GLOD5: variants seen among roughly 807,000 people sequenced by gnomAD.
GLOD5 encodes the protein glyoxalase domain-containing protein 5.
Under a neutral mutation model 9.9 loss-of-function variants are expected in GLOD5, and 7 were observed. The observed-to-expected ratio is 0.71, with a 90% CI of 0.40 to 1.33. GLOD5 has a LOEUF of 1.33. Ranked by LOEUF, GLOD5 falls within the 40% of genes most tolerant of loss-of-function variation. The probability of loss-of-function intolerance (pLI) is 0.01; values close to 1 mark genes in which losing one functional copy is unlikely to be tolerated. For missense variants in GLOD5, 146 were observed against 128.4 expected (o/e 1.14, Z -0.66); for synonymous variants, 49 against 47.3 (o/e 1.04, Z -0.14).
chrX:48,773,220 A>G (rs1602209960), intron 3 of GLOD5, 90 bp from the exon 4 acceptor site: 9 of 1,030,041 alleles, frequency 8.7e-6, no homozygotes, highest in Non-Finnish European at 1.2e-5. Flanking sequence ...ACGGAGCGAG[A>G]CTCTGTCACA....
At chrX:48,762,563 C>T (rs1051958450) in intron 1 of GLOD5, among the ~76,000 whole-genome samples, 1 of 107,409 alleles carries the variant, frequency 9.3e-6, no homozygotes, top group Non-Finnish European at 1.9e-5. Context: ...CTCAGCCTCC[C>T]GAGTAGGGGA....
intron 3 of GLOD5, among the ~76,000 whole-genome samples, chrX:48,772,881 TAGG>T (rs1557017572): frequency 9.1e-6 from 1 of 110,283 alleles, no homozygotes; most frequent in East Asian, 2.9e-4. Flanking sequence ...GGGAGGATGG[TAGG>T]AGATGAGGTC....
chrX:48,770,429 A>G (rs1672428207), intron 2 of GLOD5, among the ~76,000 whole-genome samples: 1 of 111,812 alleles, frequency 8.9e-6, no homozygotes, highest in South Asian at 3.7e-4. Context: ...AGAGGTAGTT[A>G]GTCAGGTCAT....
intron 1 of GLOD5, among the ~76,000 whole-genome samples, chrX:48,763,222 G>C (rs2062600620): frequency 8.9e-6 from 1 of 112,244 alleles, no homozygotes; most frequent in South Asian, 3.6e-4. Flanking sequence ...TGGTGAAATA[G>C]AAAGCAAAGA....
At chrX:48,772,229 C>T (rs1488245833) in intron 3 of GLOD5, among the ~76,000 whole-genome samples, 1 of 109,708 alleles carries the variant, frequency 9.1e-6, no homozygotes, top group Non-Finnish European at 1.9e-5. Flanking sequence ...ACAGCAAGAC[C>T]CTGTCTCTAA....
At chrX:48,766,767 A>G (rs1420098696) in intron 2 of GLOD5, among the ~76,000 whole-genome samples, 1 of 105,786 alleles carries the variant, frequency 9.5e-6, no homozygotes, top group Non-Finnish European at 1.9e-5. Flanking sequence ...TCAAACAAAA[A>G]TGTAAATGTA....
Position 48,761,861 on chromosome X carries a change from A to G in GLOD5, c.63+8A>G, listed in dbSNP as rs1480940657. 8.7e-7 allele frequency: 1 copy of G among 1,154,489 alleles called. No homozygotes were observed. The highest frequency in any genetic ancestry group is 1.2e-6 in the Non-Finnish European group (1 of 861,269). On this transcript the variant is annotated splice_region_variant and intron_variant, in intron 1 of 3. Coordinates refer to ENST00000303227, the MANE Select transcript of GLOD5 (RefSeq NM_001080489.3). ...AGGACTTTGGAGAAACAGGTGAACAAGATGGCCCCTGGGGATCTGGGGCAA... is the reference window on the plus strand; with the variant it reads ...AGGACTTTGGAGAAACAGGTGAACAGGATGGCCCCTGGGGATCTGGGGCAA...
At chrX:48,762,062 G>A (rs928418149) in intron 1 of GLOD5, among the ~76,000 whole-genome samples, 3 of 111,333 alleles carry the variant, frequency 2.7e-5, no homozygotes, top group African/African-American at 6.5e-5. Context: ...GGGCTGGGCC[G>A]GGGCTGAGGG....
intron 3 of GLOD5, among the ~76,000 whole-genome samples, 157 bp from the exon 4 acceptor site, chrX:48,773,153 G>A (rs2062626829): frequency 9.2e-6 from 1 of 108,397 alleles, no homozygotes; most frequent in African/African-American, 3.4e-5. Context: ...CTTGAGCCTA[G>A]GAGGCAGCGG....
intron 2 of GLOD5, among the ~76,000 whole-genome samples, chrX:48,770,281 T>TA (rs1557017214): frequency 4.2e-5 from 4 of 95,619 alleles, no homozygotes; most frequent in South Asian, 4.8e-4. Flanking sequence ...TCTCAAATAA[T>TA]AATAAATAAA....
rs781959323 is a variant in GLOD5, at chrX:48,764,783, G to A, written c.64-1052G>A. 9.4e-4 allele frequency among the ~76,000 whole-genome samples: 104 copies of A among 110,412 alleles called. 1 individual carries two copies. The highest frequency in any genetic ancestry group is 3.3e-3 in the African/African-American group (99 of 30,374). Reference sequence around the variant, plus strand: ...TGATCTCAAACTCCTAGGTTCAAGGGATCTGTCTGCCTCAGCCTTCCAAAG... The same window carrying A: ...TGATCTCAAACTCCTAGGTTCAAGGAATCTGTCTGCCTCAGCCTTCCAAAG... On this transcript the variant is annotated intron_variant, in intron 1 of 3. Transcript: ENST00000303227.
rs143117734 is a variant in GLOD5 at position 48,772,121 on chromosome X, T to C, written c.357+1039T>C. Among the ~76,000 whole-genome samples, 6 of 110,005 alleles carry C rather than the reference T, an allele frequency of 5.5e-5. No homozygotes were observed. The East Asian group carries it at 1.7e-3, about 32-fold the overall frequency. On this transcript the variant is annotated intron_variant, in intron 3 of 3. Transcript: ENST00000303227. ...GCATGGTAGTGCATGCCCGTAATCC[T>C]AGCTATTCAAGAGGGTGAAGTGGGA...
At chrX:48,773,229 C>CAAA (rs374553814) in intron 3 of GLOD5, 81 bp from the exon 4 acceptor site, 30 of 907,831 alleles carry the variant, frequency 3.3e-5, no homozygotes, top group Non-Finnish European at 4.0e-5. Context: ...GACTCTGTCA[C>CAAA]AAAAAAAAAA....
At position 48,771,036 on chromosome X, in the gene GLOD5, G is replaced by A. The variant is rs782584071; in HGVS notation, c.311G>A (p.Cys104Tyr). ...CCAGTTCCTGGCTCCCTGGACATAT[G>A]TCTGATCACAGAGGTGCCTTTGGAG... ...AHPVPGSLDICLITEVPLEEM... is the reference protein window; with the variant it reads ...AHPVPGSLDIYLITEVPLEEM... The change falls in exon 3 of 4, where the codon TGT (cysteine) becomes TAT (tyrosine). Residue 104 changes from cysteine to tyrosine, a missense_variant. Coordinates refer to ENST00000303227, the MANE Select transcript of GLOD5 (RefSeq NM_001080489.3). 8 of 1,198,758 alleles carry A rather than the reference G, an allele frequency of 6.7e-6. No individual in the cohort carries two copies. In the African/African-American group the frequency reaches 7.1e-5, roughly 11 times the overall value.
intron 2 of GLOD5, among the ~76,000 whole-genome samples, chrX:48,767,453 C>A (rs1041077432): frequency 2.4e-4 from 27 of 111,309 alleles, no homozygotes; most frequent in African/African-American, 8.2e-4. Flanking sequence ...ATGGTGAAAC[C>A]CCGTCTCTAC....
chrX:48,768,737 G>A (rs1183255655), intron 2 of GLOD5, among the ~76,000 whole-genome samples: 2 of 112,042 alleles, frequency 1.8e-5, no homozygotes, highest in African/African-American at 6.5e-5. Flanking sequence ...GTCCAAAAGT[G>A]AAATAAAGTT....
chrX:48,771,790 G>GA (rs1557017436), intron 3 of GLOD5, among the ~76,000 whole-genome samples: 1 of 112,088 alleles, frequency 8.9e-6, no homozygotes, highest in Admixed American at 9.5e-5. Flanking sequence ...TACAAAGGGA[G>GA]ATATGGCAGG....
At chrX:48,773,202 C>A in intron 3 of GLOD5, 108 bp from the exon 4 acceptor site, 10 of 932,275 alleles carry the variant, frequency 1.1e-5, no homozygotes, top group Non-Finnish European at 1.5e-5. Flanking sequence ...TGCACTCCAG[C>A]CTGGGTGACG....
chrX:48,761,851 C>G lies in GLOD5; in HGVS notation c.61C>G (p.Gln21Glu). 32 of 1,161,530 alleles carry G rather than the reference C, an allele frequency of 2.8e-5. No homozygotes were observed. Among genetic ancestry groups the G allele is most frequent in the Non-Finnish European group, 3.7e-5 (32 of 867,486 alleles). ...GATGTGGGGCAGGACTTTGGAGAAACAGGTGAACAAGATGGCCCCTGGGGA... is the reference window on the plus strand; with the variant it reads ...GATGTGGGGCAGGACTTTGGAGAAAGAGGTGAACAAGATGGCCCCTGGGGA... Reference protein sequence around the residue: ...VKMWGRTLEKQSWRDSSQTPP... With the variant: ...VKMWGRTLEKESWRDSSQTPP... The change falls in exon 1 of 4, where the codon CAG (glutamine) becomes GAG (glutamate). Residue 21 changes from glutamine (Q) to glutamate (E), a missense_variant and splice_region_variant. Transcript: ENST00000303227.
Sources: allele counts gnomAD v4.1 joint callset (sites outside exome capture counted in the v4.1 genomes callset), GRCh38; gene constraint gnomAD v4.1.1; transcripts MANE v1.5; gene names NCBI Gene and HGNC (gene_info 2026-07-23, HGNC 2026-07-21).